Variants in RETREG3 observed in about 807,000 individuals in gnomAD.
The protein encoded by RETREG3 is reticulophagy regulator 3.
RETREG3 carries 23 observed loss-of-function variants against 50.2 expected under a neutral mutation model. The observed-to-expected ratio is 0.46, with a 90% CI of 0.33 to 0.65. The LOEUF (loss-of-function observed/expected upper bound fraction) is 0.65, where lower values mean the gene tolerates loss of function less well. RETREG3 is among the 30% of genes least tolerant of loss of function. The pLI, the probability that RETREG3 is intolerant of heterozygous loss-of-function variation, is 0.02. For synonymous variants in RETREG3, 240 were observed against 234.4 expected, an observed-to-expected ratio of 1.02 and a Z score of -0.22; for missense variants, 546 against 598.0, an observed-to-expected ratio of 0.91 and a Z score of 0.91.
At chr17:42,605,320 G>A (rs1467903554) in intron 1 of RETREG3, 2 of 151,836 alleles carry the variant, frequency 1.3e-5, no homozygotes, top group Non-Finnish European at 2.9e-5. Flanking sequence ...CTCAGTTAAT[G>A]ATATGTCATT....
Position 42,609,289 on chromosome 17 carries a change from G to T in RETREG3, c.36C>A (p.Gly12=). 6.2e-7 allele frequency: 1 copy of T among 1,603,060 alleles called. No individual in the cohort carries two copies. Residue 12 remains glycine (G), a synonymous_variant, in exon 1 of 9, where the codon GGC becomes GGA. Coordinates refer to ENST00000309428, the MANE Select transcript of RETREG3 (RefSeq NM_178126.4). ...CCCTGAAAGTCGACCCCGAAGCCGGGCCTGGGGTCGTGGGAACCCCTTCGG... is the reference window on the plus strand; with the variant it reads ...CCCTGAAAGTCGACCCCGAAGCCGGTCCTGGGGTCGTGGGAACCCCTTCGG... ...AEAEGVPTTP[G]PASGSTFRGR...
At chr17:42,600,697 A>G (rs1245645370) in intron 1 of RETREG3, among the ~76,000 whole-genome samples, 1 of 152,228 alleles carries the variant, frequency 6.6e-6, no homozygotes, top group Non-Finnish European at 1.5e-5. Flanking sequence ...TAAGCTTTCC[A>G]TAATAAAATA....
chr17:42,601,138 A>T (rs1205903108), intron 1 of RETREG3, among the ~76,000 whole-genome samples: 2 of 152,134 alleles, frequency 1.3e-5, no homozygotes, highest in Non-Finnish European at 2.9e-5. Context: ...TTAGCTAGGC[A>T]TGGTGGCGGG....
At chr17:42,589,838 A>G (rs529743627) in intron 2 of RETREG3, among the ~76,000 whole-genome samples, 1 of 152,220 alleles carries the variant, frequency 6.6e-6, no homozygotes, top group African/African-American at 2.4e-5. Context: ...ACACTGCCAC[A>G]GTCTCCTAAC....
At chr17:42,584,895 A>G (rs936390650) in intron 6 of RETREG3, among the ~76,000 whole-genome samples, 15 of 151,810 alleles carry the variant, frequency 9.9e-5, no homozygotes, top group Non-Finnish European at 4.4e-5. Flanking sequence ...AACTTGAAAG[A>G]GCTTTTATCA....
At chr17:42,586,011 G>A in intron 5 of RETREG3, 42 bp downstream of exon 5, 1 of 1,583,898 alleles carries the variant, frequency 6.3e-7, no homozygotes, top group African/African-American at 1.3e-5. Flanking sequence ...GGAAAGCTAT[G>A]AGCAGGGTAT....
chr17:42,579,587 C>G lies in RETREG3; in HGVS notation c.*2226G>C, dbSNP rs1267372593. ...GTTCACAGTGGAGACTATGGAGATTCAGGGCAGGATCCCTCAGGTACAAGA... is the reference window on the plus strand; with the variant it reads ...GTTCACAGTGGAGACTATGGAGATTGAGGGCAGGATCCCTCAGGTACAAGA... On this transcript the variant is annotated 3_prime_UTR_variant, in exon 9 of 9. Transcript: ENST00000309428. The G allele has an allele frequency of 1.3e-5, 2 of 152,814 alleles. No homozygotes were observed. The highest frequency in any genetic ancestry group is 4.8e-5 in the African/African-American group (2 of 41,406). 9.5% of individuals were successfully genotyped at this position (152,814 alleles called of 1,614,324 possible).
Position 42,609,097 on chromosome 17 carries a change from G to A in RETREG3, c.228C>T (p.Asn76=), listed in dbSNP as rs1205832666. The A allele has an allele frequency of 1.9e-6, 3 of 1,606,276 alleles. No individual in the cohort carries two copies. The highest frequency in any genetic ancestry group is 2.5e-6 in the Non-Finnish European group (3 of 1,179,776). ...ARSALWCLGL[N]AAFWFFALTS... ...TCCAGTTCTCTCACCAGAAAGCCGC[G>A]TTCAGCCCCAGGCACCACAGAGCGC... is the stretch of plus-strand genomic sequence containing the variant. The change falls in exon 1 of 9, where the codon AAC becomes AAT. Residue 76 remains asparagine (N), a synonymous_variant. Coordinates refer to ENST00000309428, the MANE Select transcript of RETREG3 (RefSeq NM_178126.4).
chr17:42,602,792 C>T (rs1219308724), intron 1 of RETREG3, among the ~76,000 whole-genome samples: 1 of 151,948 alleles, frequency 6.6e-6, no homozygotes, highest in Non-Finnish European at 1.5e-5. Context: ...AAATACAAAA[C>T]AATTAACCAG....
At chr17:42,591,977 T>A in intron 2 of RETREG3, 79 bp downstream of exon 2, 1 of 1,265,106 alleles carries the variant, frequency 7.9e-7, no homozygotes. Context: ...CACCTCCTCA[T>A]AAACCCCTAA....
At chr17:42,602,912 G>C (rs555328161) in intron 1 of RETREG3, among the ~76,000 whole-genome samples, 1 of 151,938 alleles carries the variant, frequency 6.6e-6, no homozygotes, top group Non-Finnish European at 1.5e-5. Context: ...CACTGCTCTC[G>C]AGCCTGGGCG....
intron 6 of RETREG3, among the ~76,000 whole-genome samples, chr17:42,584,221 A>G (rs915589058): frequency 1.3e-5 from 2 of 152,136 alleles, no homozygotes; most frequent in African/African-American, 4.8e-5. Flanking sequence ...GATCAAAGAG[A>G]GGGCAAAAGG....
In RETREG3 at chr17:42,586,121, C is replaced by A; in HGVS notation, c.521G>T (p.Cys174Phe). The change falls in exon 5 of 9, where the codon TGT (cysteine) becomes TTT (phenylalanine). Residue 174 changes from cysteine to phenylalanine, a missense_variant. By Grantham distance (205) the Cys-to-Phe change is radical (BLOSUM62 -2). Transcript: ENST00000309428. ...GACAGCCAAAAAGGTCAGTATCCCA[C>A]AGCTCAGCAAGCAGAACTGGGGAAT... ...QNPGKFCLLS[C>F]GILTFLAVLG... 2 of 1,614,016 alleles carry A rather than the reference C, an allele frequency of 1.2e-6. No individual in the cohort carries two copies. Among genetic ancestry groups the A allele is most frequent in the Non-Finnish European group, 1.7e-6 (2 of 1,179,988 alleles).
At chr17:42,609,003 A>C in intron 1 of RETREG3, 83 bp downstream of exon 1, 1 of 1,394,522 alleles carries the variant, frequency 7.2e-7, no homozygotes, top group Non-Finnish European at 9.8e-7. Context: ...GCAGCGAAGA[A>C]AACAGGGCAG....
chr17:42,595,857 C>T (rs111592935), intron 1 of RETREG3, among the ~76,000 whole-genome samples: 259 of 148,908 alleles, frequency 1.7e-3, no homozygotes, highest in African/African-American at 5.9e-3. Context: ...AACGTGTTCA[C>T]GCCACTGCAC....
chr17:42,584,301 G>A (rs1236958411), intron 6 of RETREG3, among the ~76,000 whole-genome samples: 1 of 152,248 alleles, frequency 6.6e-6, no homozygotes, highest in Non-Finnish European at 1.5e-5. Flanking sequence ...AAGGGGACTT[G>A]GGCCTTGGTG....
intron 5 of RETREG3, among the ~76,000 whole-genome samples, chr17:42,585,584 A>G (rs1014777983): frequency 1.2e-4 from 19 of 152,244 alleles, no homozygotes; most frequent in Non-Finnish European, 2.6e-4. Context: ...GTTTTGATAT[A>G]CAAAAGCCAC....
At chr17:42,604,947 G>A (rs1377926606) in intron 1 of RETREG3, among the ~76,000 whole-genome samples, 2 of 151,984 alleles carry the variant, frequency 1.3e-5, no homozygotes, top group Admixed American at 1.3e-4. Context: ...AGATGAGGTT[G>A]AGACTAATGA....
intron 1 of RETREG3, among the ~76,000 whole-genome samples, chr17:42,605,651 G>C (rs1340472162): frequency 6.6e-6 from 1 of 152,092 alleles, no homozygotes; most frequent in African/African-American, 2.4e-5. Flanking sequence ...TTCACATGTA[G>C]GAGTCCTCTC....
Sources: allele counts gnomAD v4.1 joint callset (sites outside exome capture counted in the v4.1 genomes callset), GRCh38; gene constraint gnomAD v4.1.1; transcripts MANE v1.5; gene names NCBI Gene and HGNC (gene_info 2026-07-23, HGNC 2026-07-21).